LPA: variants seen among roughly 807,000 people sequenced by gnomAD.
LPA encodes the protein lipoprotein(a).
Under a neutral mutation model 197.9 loss-of-function variants are expected in LPA, and 199 were observed. That is an observed-to-expected ratio of 1.01 (90% CI 0.90 to 1.13). The LOEUF (loss-of-function observed/expected upper bound fraction) is 1.13. Ranked by LOEUF, LPA falls within the 50% of genes most tolerant of loss-of-function variation. The pLI is 0.00. For missense variants in LPA, 1,853 were observed against 1,785.8 expected (o/e 1.04, Z -0.68); for synonymous variants, 715 against 639.5 (o/e 1.12, Z -1.78).
rs1005945671 is a variant in LPA at position 160,610,908 on chromosome 6, G to A, written c.2603+654C>T. 9.2e-5 allele frequency among the ~76,000 whole-genome samples: 14 copies of A among 152,124 alleles called. 1 individual carries two copies. The highest frequency in any genetic ancestry group is 6.5e-4 in the Admixed American group (10 of 15,282). On this transcript the variant is annotated intron_variant, in intron 16 of 38. Coordinates refer to ENST00000316300, the MANE Select transcript of LPA (RefSeq NM_005577.4). ...AAACCATTTTTCCATGTCTTTGGTT[G>A]TTGATTATGGCCAAATGATTGGCCA...
At chr6:160,658,891 TGA>T (rs4063599) in intron 1 of LPA, among the ~76,000 whole-genome samples, 16,354 of 148,878 alleles carry the variant, frequency 0.11, 935 homozygotes, top group Non-Finnish European at 0.14. Flanking sequence ...TATATATATA[TGA>T]GAGAGAGAGA....
At chr6:160,601,616 A>G (rs1032986587) in intron 18 of LPA, among the ~76,000 whole-genome samples, 2 of 152,228 alleles carry the variant, frequency 1.3e-5, no homozygotes, top group Non-Finnish European at 2.9e-5. Flanking sequence ...GTCTCATTCA[A>G]TGTACTCAAA....
rs1053527090 is a variant in LPA, at chr6:160,540,039, G to A, written c.5735+4C>T. 41 of 1,613,976 alleles carry A rather than the reference G, an allele frequency of 2.5e-5. No individual in the cohort carries two copies. Among genetic ancestry groups the A allele is most frequent in the Non-Finnish European group, 3.3e-5 (39 of 1,180,020 alleles). ...TGGGGTGAAGACCACAGGTGAGCGA[G>A]TACCTGCTTAGCTTTAGCAAGGCAA... On this transcript the variant is annotated splice_donor_region_variant and intron_variant, in intron 36 of 38. Transcript: ENST00000316300.
intron 38 of LPA, among the ~76,000 whole-genome samples, chr6:160,532,312 G>A (rs1209294440): frequency 3.9e-5 from 6 of 151,990 alleles, no homozygotes; most frequent in East Asian, 1.9e-4. Flanking sequence ...TGGCACTTAC[G>A]GCTCCCTTGC....
intron 26 of LPA, among the ~76,000 whole-genome samples, chr6:160,580,945 AG>A (rs1778782810): frequency 3.3e-5 from 5 of 152,064 alleles, no homozygotes; most frequent in Non-Finnish European, 5.9e-5. Flanking sequence ...TTTCTTTTAC[AG>A]TTAGTGTTTT....
chr6:160,550,860 A>G (rs1778156587), intron 30 of LPA, among the ~76,000 whole-genome samples: 1 of 152,238 alleles, frequency 6.6e-6, no homozygotes, highest in African/African-American at 2.4e-5. Flanking sequence ...ATTTGAGAGT[A>G]TCAAAAACAT....
At position 160,633,741 on chromosome 6, in the gene LPA, A is replaced by G. The variant is rs199939322; in HGVS notation, c.1235+12T>C. 48 of 1,252,340 alleles carry G rather than the reference A, an allele frequency of 3.8e-5. 8 individuals carry two copies. The highest frequency in any genetic ancestry group is 4.8e-5 in the Non-Finnish European group (44 of 924,572). The allele number at this position is 1,252,340 out of a possible 1,614,324, so 77.6% of individuals were successfully genotyped here. A position where few individuals can be genotyped will look rare whatever the true frequency, so the allele number is the denominator to read the frequency against. ...GCCCTTTCTTCTCTTATGGTAAAGA[A>G]CAAAGACATACGCATTTGGGTAGTA... is the stretch of plus-strand genomic sequence containing the variant. On this transcript the variant is annotated intron_variant, in intron 8 of 38. Transcript: ENST00000316300.
At chr6:160,577,630 G>A (rs1274732315) in intron 27 of LPA, among the ~76,000 whole-genome samples, 1 of 152,194 alleles carries the variant, frequency 6.6e-6, no homozygotes, top group East Asian at 1.9e-4. Context: ...ATTCCTTGGT[G>A]CAGGCTGTAG....
chr6:160,650,828 G>T (rs185429670), intron 1 of LPA, among the ~76,000 whole-genome samples: 2 of 152,244 alleles, frequency 1.3e-5, no homozygotes, highest in Admixed American at 6.5e-5. Flanking sequence ...AGATCAGAGG[G>T]AGATACATTT....
At chr6:160,571,930 A>T (rs1778569466) in intron 28 of LPA, among the ~76,000 whole-genome samples, 1 of 152,110 alleles carries the variant, frequency 6.6e-6, no homozygotes, top group East Asian at 1.9e-4. Context: ...TATGAAAAAA[A>T]ACTCCTGCAG....
intron 28 of LPA, among the ~76,000 whole-genome samples, chr6:160,573,618 C>T (rs1036055234): frequency 6.6e-6 from 1 of 152,124 alleles, no homozygotes; most frequent in Non-Finnish European, 1.5e-5. Context: ...TGGGGTGTTC[C>T]CTTGATGTAG....
chr6:160,533,075 A>G (rs536937143), intron 37 of LPA, among the ~76,000 whole-genome samples: 1 of 152,076 alleles, frequency 6.6e-6, no homozygotes, highest in Non-Finnish European at 1.5e-5. Context: ...ATGTTATATC[A>G]TGAGTTTTTA....
intron 33 of LPA, among the ~76,000 whole-genome samples, chr6:160,545,188 GC>G (rs1274202800): frequency 6.6e-6 from 1 of 151,954 alleles, no homozygotes; most frequent in Non-Finnish European, 1.5e-5. Context: ...CTCTAAGTTT[GC>G]CCTTTGGGAA....
Position 160,586,658 on chromosome 6 carries a change from C to G in LPA, c.3948-28G>C, listed in dbSNP as rs368675835. 3.1e-6 allele frequency: 5 copies of G among 1,613,066 alleles called. No homozygotes were observed. In the African/African-American group the frequency reaches 6.7e-5, roughly 22 times the overall value. ...GCAAATTCCAAAACAATACAGGTCA[C>G]CAGAGATTGGAGAAGATACAGCACC... On this transcript the variant is annotated intron_variant, in intron 24 of 38. Coordinates refer to ENST00000316300, the MANE Select transcript of LPA (RefSeq NM_005577.4).
intron 34 of LPA, among the ~76,000 whole-genome samples, chr6:160,541,930 T>C (rs1777987429): frequency 6.6e-6 from 1 of 152,196 alleles, no homozygotes; most frequent in Non-Finnish European, 1.5e-5. Flanking sequence ...TGCGATGCGA[T>C]CAGGTTTGTC....
intron 28 of LPA, among the ~76,000 whole-genome samples, chr6:160,576,688 GTGTA>G (rs1443582121): frequency 4.8e-3 from 277 of 57,890 alleles, no homozygotes; most frequent in African/African-American, 0.013. Flanking sequence ...GTGTGTGTGT[GTGTA>G]TATATATATA....
intron 18 of LPA, among the ~76,000 whole-genome samples, chr6:160,602,300 G>T (rs989215806): frequency 3.3e-5 from 5 of 152,100 alleles, no homozygotes; most frequent in South Asian, 2.1e-4. Context: ...AAAATTTTAT[G>T]ATTGCTTTAG....
intron 18 of LPA, 148 bp from the exon 19 acceptor site, chr6:160,601,246 A>G: frequency 1.4e-6 from 1 of 712,078 alleles, no homozygotes; most frequent in Non-Finnish European, 2.5e-6. Flanking sequence ...AATGGCTCTC[A>G]ATCTCTAATC....
At chr6:160,611,081 C>G (rs923284494) in intron 16 of LPA, among the ~76,000 whole-genome samples, 1 of 152,050 alleles carries the variant, frequency 6.6e-6, no homozygotes, top group East Asian at 1.9e-4. Flanking sequence ...TACTTAGGAC[C>G]AAGAGATTTT....
Sources: allele counts gnomAD v4.1 joint callset (sites outside exome capture counted in the v4.1 genomes callset), GRCh38; gene constraint gnomAD v4.1.1; transcripts MANE v1.5; gene names NCBI Gene and HGNC (gene_info 2026-07-23, HGNC 2026-07-21).